The following ELMO1 variants were observed in gnomAD, a reference collection of about 807,000 sequenced individuals.
The protein encoded by ELMO1 is engulfment and cell motility 1, also known as engulfment and cell motility protein 1.
Under a neutral mutation model 98.9 loss-of-function variants are expected in ELMO1, and 26 were observed. That is an observed-to-expected ratio of 0.26 (90% confidence interval 0.19 to 0.36). ELMO1 has a LOEUF of 0.36. Ranked by LOEUF, ELMO1 falls within the 10% of genes least tolerant of loss-of-function variation. The pLI is 1.00. For synonymous variants in ELMO1, 346 were observed against 346.0 expected, an observed-to-expected ratio of 1.00 and a Z score of 0.00; for missense variants, 627 against 935.2, an observed-to-expected ratio of 0.67 and a Z score of 4.30.
chr7:36,971,446 T>C (rs190878706), intron 16 of ELMO1, among the ~76,000 whole-genome samples: 33 of 152,290 alleles, frequency 2.2e-4, no homozygotes, highest in Non-Finnish European at 4.6e-4. Flanking sequence ...AGAAAAGAAA[T>C]CATTTTAAAT....
intron 16 of ELMO1, among the ~76,000 whole-genome samples, chr7:36,899,283 T>C (rs1026058535): frequency 6.6e-6 from 1 of 152,132 alleles, no homozygotes; most frequent in African/African-American, 2.4e-5. Context: ...TTTGATAATA[T>C]AAAGTATGTT....
In ELMO1 at chr7:37,042,396, C is replaced by CT. The variant is rs535316790; in HGVS notation, c.1301-28962dup. ...AAATATTTCCATATTAACCCTACTGCTGCTGGTAGGCACTGATTTCTCTTA... is the reference window on the plus strand; with the variant it reads ...AAATATTTCCATATTAACCCTACTGCTTGCTGGTAGGCACTGATTTCTCTTA... On this transcript the variant is annotated intron_variant, in intron 15 of 21. Coordinates refer to ENST00000310758, the MANE Select transcript of ELMO1 (RefSeq NM_014800.11). Among the ~76,000 whole-genome samples the CT allele has an allele frequency of 1.4e-3, 220 of 152,214 alleles. 3 individuals carry two copies. The highest frequency in any genetic ancestry group is 2.9e-4 in the Non-Finnish European group (20 of 68,018).
At position 37,222,579 on chromosome 7, in the gene ELMO1, T is replaced by C. The variant is rs566097542; in HGVS notation, c.780+36A>G. The stretch of plus-strand genomic sequence containing the variant: ...TTCTCTGCACACAAAGTTCCTAGCC[T>C]TGACATAGCCATAAGACTAAAGAAA... On this transcript the variant is annotated intron_variant, in intron 10 of 21. Coordinates refer to ENST00000310758, the MANE Select transcript of ELMO1 (RefSeq NM_014800.11). 6.2e-6 allele frequency: 10 copies of C among 1,603,152 alleles called. No individual in the cohort carries two copies. The African/African-American group carries it at 1.3e-4, about 21-fold the overall frequency.
intron 19 of ELMO1, among the ~76,000 whole-genome samples, chr7:36,873,639 T>A (rs1803716370): frequency 6.6e-6 from 1 of 152,246 alleles, no homozygotes. Context: ...TAGTGCTTCT[T>A]CTTCCACTGC....
At chr7:37,247,915 G>GTA (rs1316937151) in intron 6 of ELMO1, among the ~76,000 whole-genome samples, 10 of 151,782 alleles carry the variant, frequency 6.6e-5, no homozygotes, top group Non-Finnish European at 4.4e-5. Context: ...GTGTGTGTGT[G>GTA]TGTGTGTGTG....
intron 20 of ELMO1, among the ~76,000 whole-genome samples, chr7:36,869,329 G>A (rs1803321374): frequency 6.6e-6 from 1 of 152,176 alleles, no homozygotes; most frequent in African/African-American, 2.4e-5. Context: ...TGCATCCCCT[G>A]CCCTCTGCCT....
intron 1 of ELMO1, among the ~76,000 whole-genome samples, chr7:37,441,192 T>C (rs1237933296): frequency 6.7e-6 from 1 of 150,216 alleles, no homozygotes; most frequent in Non-Finnish European, 1.5e-5. Flanking sequence ...AGGGTTGCTA[T>C]AGGGCTGGTG....
At chr7:37,126,166 A>AG (rs1786497099) in intron 14 of ELMO1, among the ~76,000 whole-genome samples, 1 of 151,772 alleles carries the variant, frequency 6.6e-6, no homozygotes, top group Admixed American at 6.6e-5. Context: ...AGGAGTGGGG[A>AG]GGGATAGCAT....
At chr7:37,004,213 C>A (rs371077329) in intron 16 of ELMO1, among the ~76,000 whole-genome samples, 1 of 152,220 alleles carries the variant, frequency 6.6e-6, no homozygotes, top group East Asian at 1.9e-4. Flanking sequence ...TAGGTAATTT[C>A]CTTTTAATGG....
chr7:37,338,363 CA>C (rs1800535264), intron 2 of ELMO1, among the ~76,000 whole-genome samples: 2 of 152,132 alleles, frequency 1.3e-5, no homozygotes, highest in Non-Finnish European at 2.9e-5. Flanking sequence ...ACATGCTTGA[CA>C]GAGCCTGTTT....
intron 7 of ELMO1, among the ~76,000 whole-genome samples, chr7:37,243,900 C>T (rs1368196624): frequency 6.6e-6 from 1 of 152,192 alleles, no homozygotes; most frequent in African/African-American, 2.4e-5. Flanking sequence ...AGCACTTTCT[C>T]AGACTCAAAG....
At chr7:37,225,181 T>C in intron 8 of ELMO1, 151 bp from the exon 9 acceptor site, 1 of 799,030 alleles carries the variant, frequency 1.3e-6, no homozygotes, top group Non-Finnish European at 2.0e-6. Context: ...AAGAAACCCA[T>C]TGAACTAGGG....
chr7:37,118,699 C>T (rs910501955), intron 14 of ELMO1, among the ~76,000 whole-genome samples: 3 of 152,190 alleles, frequency 2.0e-5, no homozygotes, highest in East Asian at 3.9e-4. Flanking sequence ...TCATCATCAA[C>T]GGGCACTAAC....
At chr7:37,328,726 G>A (rs117471197) in intron 2 of ELMO1, among the ~76,000 whole-genome samples, 5 of 152,138 alleles carry the variant, frequency 3.3e-5, no homozygotes, top group Non-Finnish European at 7.4e-5. Flanking sequence ...ACACTGGAAC[G>A]TTTGATACCA....
rs149094184 is a variant in ELMO1, at chr7:37,070,496, C to CTG, written c.1300+26121_1300+26122dup. 1.5e-4 allele frequency among the ~76,000 whole-genome samples: 23 copies of CTG among 151,802 alleles called. No homozygotes were observed. In the South Asian group the frequency reaches 2.9e-3, roughly 19 times the overall value. On this transcript the variant is annotated intron_variant, in intron 15 of 21. Coordinates refer to ENST00000310758, the MANE Select transcript of ELMO1 (RefSeq NM_014800.11). The stretch of plus-strand genomic sequence containing the variant: ...CTTGATTTCCGTTGGAATTTGTGAA[C>CTG]TGTGTGTGTGTGTGTTATACTTAAA...
At chr7:37,305,349 G>A (rs892603336) in intron 4 of ELMO1, among the ~76,000 whole-genome samples, 1 of 152,056 alleles carries the variant, frequency 6.6e-6, no homozygotes, top group Non-Finnish European at 1.5e-5. Flanking sequence ...GCATCGTGAT[G>A]GTTATTTGTA....
chr7:37,221,223 C>G (rs891279110), intron 10 of ELMO1, among the ~76,000 whole-genome samples: 4 of 152,200 alleles, frequency 2.6e-5, no homozygotes, highest in Non-Finnish European at 5.9e-5. Flanking sequence ...TGTGCAAACA[C>G]AGCCCCCCAG....
intron 1 of ELMO1, among the ~76,000 whole-genome samples, chr7:37,399,609 T>C (rs17171024): frequency 0.043 from 6,597 of 152,288 alleles, 477 homozygotes; most frequent in African/African-American, 0.15. Context: ...ACATTCAACA[T>C]GCAACATGCT....
chr7:37,041,491 G>A (rs955773013), intron 15 of ELMO1, among the ~76,000 whole-genome samples: 1 of 152,182 alleles, frequency 6.6e-6, no homozygotes, highest in Non-Finnish European at 1.5e-5. Context: ...TCAGGAGTGA[G>A]TGTTTTTGTA....
Sources: allele counts gnomAD v4.1 joint callset (sites outside exome capture counted in the v4.1 genomes callset), GRCh38; gene constraint gnomAD v4.1.1; transcripts MANE v1.5; gene names NCBI Gene and HGNC (gene_info 2026-07-23, HGNC 2026-07-21).